Variants in MARCHF1 observed in about 807,000 individuals in gnomAD.
The protein encoded by MARCHF1 is membrane associated ring-CH-type finger 1.
MARCHF1 carries 40 observed loss-of-function variants against 54.2 expected under a neutral mutation model. The observed-to-expected ratio is 0.74, with a 90% confidence interval of 0.57 to 0.96. The LOEUF (loss-of-function observed/expected upper bound fraction) is 0.96. Ranked by LOEUF, MARCHF1 falls within the 40% of genes least tolerant of loss-of-function variation. The pLI, the probability that MARCHF1 is intolerant of heterozygous loss-of-function variation, is 0.00. For synonymous variants in MARCHF1, 236 were observed against 236.3 expected, an observed-to-expected ratio of 1.00 and a Z score of 0.01; for missense variants, 586 against 656.5, an observed-to-expected ratio of 0.89 and a Z score of 1.17.
At chr4:164,202,496 A>C (rs1321064545) in intron 1 of MARCHF1, among the ~76,000 whole-genome samples, 1 of 152,208 alleles carries the variant, frequency 6.6e-6, no homozygotes, top group Non-Finnish European at 1.5e-5. Context: ...GTATTTTTAA[A>C]AGACTAGAAT....
At chr4:163,586,653 A>G (rs1740423384) in intron 7 of MARCHF1, among the ~76,000 whole-genome samples, 1 of 152,216 alleles carries the variant, frequency 6.6e-6, no homozygotes, top group Non-Finnish European at 1.5e-5. Context: ...CTATCGTGCT[A>G]TGTCCCCAAT....
At position 164,091,314 on chromosome 4, in the gene MARCHF1, C is replaced by T. The variant is rs143817497; in HGVS notation, c.-248+20274G>A. Among the ~76,000 whole-genome samples, 12 of 150,294 alleles carry T rather than the reference C, an allele frequency of 8.0e-5. No homozygotes were observed. In the East Asian group the frequency reaches 1.4e-3, roughly 17 times the overall value. On this transcript the variant is annotated intron_variant, in intron 2 of 9. Transcript: ENST00000514618. ...ATCATTTTTAATATTGTTAAATATTCGAAACATAGTTAAGGTCATTTAAAA... is the reference window on the plus strand; with the variant it reads ...ATCATTTTTAATATTGTTAAATATTTGAAACATAGTTAAGGTCATTTAAAA...
At chr4:164,085,908 A>G (rs1006515690) in intron 2 of MARCHF1, among the ~76,000 whole-genome samples, 1 of 151,852 alleles carries the variant, frequency 6.6e-6, no homozygotes, top group African/African-American at 2.4e-5. Flanking sequence ...TGAATTATGA[A>G]AAAATAAATC....
At chr4:164,028,920 T>C (rs1753822954) in intron 2 of MARCHF1, among the ~76,000 whole-genome samples, 1 of 152,200 alleles carries the variant, frequency 6.6e-6, no homozygotes, top group South Asian at 2.1e-4. Flanking sequence ...TTCAGTATAA[T>C]AAACCTTATT....
rs72987757 is a variant in MARCHF1 at position 164,205,440 on chromosome 4, C to T, written c.-322-93778G>A. ...TGGGCTTGAACTCTGGAAACTCCAG[C>T]GCAAACTCGCTACTATAAACAGTTT... On this transcript the variant is annotated intron_variant, in intron 1 of 9. Transcript: ENST00000514618. Among the ~76,000 whole-genome samples the T allele has an allele frequency of 7.8e-3, 1,191 of 152,196 alleles. 17 individuals carry two copies. Among genetic ancestry groups the T allele is most frequent in the African/African-American group, 0.027 (1,132 of 41,528 alleles).
chr4:164,117,239 T>C (rs539442634), intron 1 of MARCHF1, among the ~76,000 whole-genome samples: 1 of 151,982 alleles, frequency 6.6e-6, no homozygotes, highest in South Asian at 2.1e-4. Flanking sequence ...GCCTGGGTGA[T>C]AGAGTGATAT....
intron 5 of MARCHF1, among the ~76,000 whole-genome samples, chr4:163,674,985 T>C (rs1743865308): frequency 6.6e-6 from 1 of 151,962 alleles, no homozygotes; most frequent in Admixed American, 6.6e-5. Flanking sequence ...ATACAGAAAA[T>C]ATACACAAAA....
intron 1 of MARCHF1, among the ~76,000 whole-genome samples, chr4:164,297,362 C>T (rs1430868677): frequency 2.0e-5 from 3 of 152,058 alleles, no homozygotes; most frequent in Admixed American, 2.0e-4. Context: ...ACCTTATTGG[C>T]AATAAGTCAT....
intron 3 of MARCHF1, chr4:163,932,829 T>C: frequency 1.6e-6 from 1 of 623,986 alleles, no homozygotes; most frequent in Non-Finnish European, 3.1e-6. Flanking sequence ...GGATAAATAT[T>C]TAACAGCCAA....
chr4:163,638,104 A>C (rs1286540792), intron 5 of MARCHF1, among the ~76,000 whole-genome samples: 1 of 73,214 alleles, frequency 1.4e-5, no homozygotes, highest in Non-Finnish European at 2.5e-5. Flanking sequence ...GGGTGGGGGG[A>C]GGGGGGAGGG....
intron 1 of MARCHF1, chr4:164,383,404 T>C (rs1276519544): frequency 1.3e-5 from 2 of 152,328 alleles, no homozygotes; most frequent in Non-Finnish European, 2.9e-5. Context: ...CCTTTGGTAA[T>C]CGGTCCCCGT....
At chr4:163,882,974 C>A (rs1191966085) in intron 3 of MARCHF1, among the ~76,000 whole-genome samples, 1 of 152,030 alleles carries the variant, frequency 6.6e-6, no homozygotes, top group Non-Finnish European at 1.5e-5. Flanking sequence ...GAGACCTTGT[C>A]TCAAATAATA....
At chr4:164,193,221 G>T (rs1731167178) in intron 1 of MARCHF1, among the ~76,000 whole-genome samples, 1 of 151,924 alleles carries the variant, frequency 6.6e-6, no homozygotes. Flanking sequence ...TTTTTCGGAA[G>T]ATGCCAAAAA....
intron 3 of MARCHF1, among the ~76,000 whole-genome samples, chr4:163,920,793 T>C (rs1440330360): frequency 1.3e-5 from 2 of 152,192 alleles, no homozygotes; most frequent in African/African-American, 2.4e-5. Flanking sequence ...TTATTGAATC[T>C]TTTTGCTAAA....
intron 5 of MARCHF1, among the ~76,000 whole-genome samples, chr4:163,622,752 C>T (rs1404034682): frequency 6.6e-6 from 1 of 152,146 alleles, no homozygotes; most frequent in African/African-American, 2.4e-5. Context: ...GCCTAATGCT[C>T]CTTTTGGCAC....
At chr4:164,277,036 TGA>T (rs1330238330) in intron 1 of MARCHF1, among the ~76,000 whole-genome samples, 1 of 150,666 alleles carries the variant, frequency 6.6e-6, no homozygotes, top group African/African-American at 2.4e-5. Flanking sequence ...TCCACGGTGT[TGA>T]GAGTCAGGAG....
chr4:163,580,689 T>C (rs1198491012), intron 8 of MARCHF1, among the ~76,000 whole-genome samples: 2 of 152,236 alleles, frequency 1.3e-5, no homozygotes, highest in Non-Finnish European at 2.9e-5. Flanking sequence ...TAGGAAAATA[T>C]ATTGGGTAAA....
chr4:163,804,144 CAT>C (rs1352195631), intron 4 of MARCHF1, among the ~76,000 whole-genome samples: 5 of 152,220 alleles, frequency 3.3e-5, no homozygotes, highest in African/African-American at 1.2e-4. Flanking sequence ...CAAGACTACT[CAT>C]AGACATCTTC....
chr4:164,151,331 C>G (rs759770371), intron 1 of MARCHF1, among the ~76,000 whole-genome samples: 10 of 152,094 alleles, frequency 6.6e-5, no homozygotes, highest in Non-Finnish European at 1.2e-4. Context: ...TCATTAAGTT[C>G]AAAATTACGG....
Sources: gnomAD v4.1 joint callset for allele counts (sites outside exome capture counted in the v4.1 genomes callset) on GRCh38, gnomAD v4.1.1 for gene constraint, MANE v1.5 for transcripts, NCBI Gene and HGNC (gene_info 2026-07-23, HGNC 2026-07-21) for gene names.